The following UIMC1 variants were observed in gnomAD, a reference collection of about 807,000 sequenced individuals.
The protein encoded by UIMC1 is ubiquitin interaction motif containing 1.
A neutral mutation model predicts 84.9 loss-of-function variants in UIMC1; 42 were observed. The ratio of observed to expected loss-of-function variants is 0.49; its 90% CI spans 0.39 to 0.64. The LOEUF is 0.64. Among genes scored for constraint, UIMC1 ranks in the 30% least tolerant of loss-of-function variants. The pLI, the probability that UIMC1 is intolerant of heterozygous loss-of-function variation, is 0.00. For synonymous variants in UIMC1, 281 were observed against 293.0 expected (o/e 0.96, Z 0.42); for missense variants, 825 against 847.6 (o/e 0.97, Z 0.33).
intron 10 of UIMC1, among the ~76,000 whole-genome samples, chr5:176,926,526 A>G (rs1762407192): frequency 1.3e-5 from 2 of 152,044 alleles, no homozygotes; most frequent in African/African-American, 4.8e-5. Context: ...AGTCCTAGCT[A>G]CTAGGGAGGC....
intron 10 of UIMC1, among the ~76,000 whole-genome samples, chr5:176,927,548 C>G: frequency 6.6e-6 from 1 of 151,802 alleles, no homozygotes; most frequent in Non-Finnish European, 1.5e-5. Flanking sequence ...GCCACCACAC[C>G]CAGCCAAATT....
chr5:177,002,118 CA>C (rs1241523143), intron 1 of UIMC1: 15,911 of 105,646 alleles, frequency 0.15, 1,927 homozygotes, highest in African/African-American at 0.37. Flanking sequence ...AAGACTGTCT[CA>C]AAAAAAAAAA....
At chr5:176,978,093 C>T (rs1012846704) in intron 2 of UIMC1, among the ~76,000 whole-genome samples, 2 of 151,976 alleles carry the variant, frequency 1.3e-5, no homozygotes, top group African/African-American at 2.4e-5. Flanking sequence ...GTTGGTAGGC[C>T]GGGTGCGGTG....
chr5:176,928,479 T>C (rs1004975840), intron 10 of UIMC1, among the ~76,000 whole-genome samples: 1 of 152,192 alleles, frequency 6.6e-6, no homozygotes, highest in Non-Finnish European at 1.5e-5. Context: ...ATTCAATCTT[T>C]AAAAAGAACT....
intron 10 of UIMC1, among the ~76,000 whole-genome samples, chr5:176,939,679 C>CAAA (rs753447801): frequency 1.9e-4 from 29 of 152,122 alleles, no homozygotes; most frequent in Admixed American, 3.9e-4. Flanking sequence ...ATGATGTTTG[C>CAAA]ACAACAAAAT....
chr5:176,920,015 T>C (rs1423854807), intron 10 of UIMC1, among the ~76,000 whole-genome samples: 3 of 152,080 alleles, frequency 2.0e-5, no homozygotes, highest in African/African-American at 7.2e-5. Context: ...GGGATTTTTG[T>C]GGGGTTTTCT....
rs191276287 is a variant in UIMC1 at position 176,968,380 on chromosome 5, A to C, written c.1200+175T>G. Among the ~76,000 whole-genome samples the C allele has an allele frequency of 4.1e-3, 627 of 152,270 alleles. 7 individuals are homozygous for C. The highest frequency in any genetic ancestry group is 7.7e-3 in the Non-Finnish European group (523 of 68,024). On this transcript the variant is annotated intron_variant, in intron 6 of 14. Coordinates refer to ENST00000511320, the MANE Select transcript of UIMC1 (RefSeq NM_001199298.2). ...AGAGCGAGACTCCAACTCAAAAAAA[A>C]AAAAATGGTAGTTTTTTTCTTCTTT...
chr5:176,955,944 C>A lies in UIMC1; in HGVS notation c.1339+15G>T. 1 of 1,610,082 alleles carries A rather than the reference C, an allele frequency of 6.2e-7. No individual in the cohort carries two copies. Among genetic ancestry groups the A allele is most frequent in the South Asian group, 1.1e-5 (1 of 90,344 alleles). On this transcript the variant is annotated intron_variant, in intron 8 of 14. Coordinates refer to ENST00000511320, the MANE Select transcript of UIMC1 (RefSeq NM_001199298.2). ...AGGTATCAGAAATTCAGTAAAATCA[C>A]AGTGGGGTACTTACCAGGACAAACA... is the stretch of plus-strand genomic sequence containing the variant.
At chr5:176,930,674 C>T (rs1762969359) in intron 10 of UIMC1, among the ~76,000 whole-genome samples, 1 of 152,182 alleles carries the variant, frequency 6.6e-6, no homozygotes, top group African/African-American at 2.4e-5. Context: ...TGTTATCAAG[C>T]ATTTCCTTTA....
intron 2 of UIMC1, among the ~76,000 whole-genome samples, chr5:176,977,878 T>C (rs993741902): frequency 6.6e-6 from 1 of 151,660 alleles, no homozygotes; most frequent in South Asian, 2.1e-4. Flanking sequence ...GCCATTGCAC[T>C]CCAGCTTGGG....
intron 9 of UIMC1, among the ~76,000 whole-genome samples, chr5:176,948,597 C>T (rs1765428245): frequency 6.6e-6 from 1 of 152,222 alleles, no homozygotes; most frequent in African/African-American, 2.4e-5. Context: ...TCTGTCTCCT[C>T]CCTTACCAGA....
chr5:176,926,171 C>T (rs559164070), intron 10 of UIMC1, among the ~76,000 whole-genome samples: 15 of 151,996 alleles, frequency 9.9e-5, no homozygotes, highest in Admixed American at 2.0e-4. Context: ...CTAGATGCAA[C>T]GTATGATGCT....
chr5:177,003,420 C>T (rs929465090), intron 1 of UIMC1, among the ~76,000 whole-genome samples: 1 of 152,054 alleles, frequency 6.6e-6, no homozygotes, highest in Non-Finnish European at 1.5e-5. Context: ...TCTGGGAGGC[C>T]GAGGCAGGCA....
chr5:176,994,775 C>A (rs903599324), intron 1 of UIMC1, among the ~76,000 whole-genome samples: 1 of 152,144 alleles, frequency 6.6e-6, no homozygotes, highest in Non-Finnish European at 1.5e-5. Context: ...AGCAGGCTTA[C>A]AGAAGCAGAA....
chr5:176,980,937 T>C (rs1730818968), intron 2 of UIMC1, among the ~76,000 whole-genome samples: 1 of 151,934 alleles, frequency 6.6e-6, no homozygotes, highest in Non-Finnish European at 1.5e-5. Flanking sequence ...GACAGGGTCT[T>C]ACTATGTTGG....
rs368575353 is a variant in UIMC1, at chr5:176,989,496, T to C, written c.-8-6873A>G. 2.4e-4 allele frequency among the ~76,000 whole-genome samples: 36 copies of C among 151,480 alleles called. No homozygotes were observed. The East Asian group carries it at 3.9e-3, about 16-fold the overall frequency. ...ACAACATGGTGAAACCCCATCTCTA[T>C]TAAAAATACAAAAATTAGCTGGGTG... is the stretch of plus-strand genomic sequence containing the variant. On this transcript the variant is annotated intron_variant, in intron 1 of 14. Transcript: ENST00000511320.
intron 10 of UIMC1, among the ~76,000 whole-genome samples, chr5:176,914,084 C>T (rs113260607): frequency 1.7e-3 from 248 of 149,834 alleles, no homozygotes; most frequent in African/African-American, 6.0e-3. Flanking sequence ...CACCACACCA[C>T]ACCATACCAT....
chr5:176,955,567 C>A (rs1766490784), intron 8 of UIMC1, among the ~76,000 whole-genome samples: 1 of 152,118 alleles, frequency 6.6e-6, no homozygotes, highest in Non-Finnish European at 1.5e-5. Context: ...GCACTCCAGG[C>A]TGGCTGACAA....
rs754136803 is a variant in UIMC1, at chr5:176,968,970, G to T, written c.785C>A (p.Ala262Glu). 1 of 1,614,192 alleles carries T rather than the reference G, an allele frequency of 6.2e-7. No homozygotes were observed. Among genetic ancestry groups the T allele is most frequent in the South Asian group, 1.1e-5 (1 of 91,084 alleles). Residue 262 changes from alanine (A) to glutamate (E), a missense_variant, in exon 6 of 15, where the codon GCA becomes GAA. Ala to Glu is a moderately radical substitution (Grantham distance 107). Coordinates refer to ENST00000511320, the MANE Select transcript of UIMC1 (RefSeq NM_001199298.2). ...DTSRHCLPTL[A>E]DAKGLQDTGG... ...AGTGTCCTGGAGACCTTTGGCATCT[G>T]CTAGGGTAGGTAGACAGTGCCTAGA... is the stretch of plus-strand genomic sequence containing the variant.
Sources: gnomAD v4.1 joint callset for allele counts (sites outside exome capture counted in the v4.1 genomes callset) on GRCh38, gnomAD v4.1.1 for gene constraint, MANE v1.5 for transcripts, NCBI Gene and HGNC (gene_info 2026-07-23, HGNC 2026-07-21) for gene names.